Variants in ASAP1 observed in about 807,000 individuals in gnomAD.
ASAP1 encodes the protein arf-GAP with SH3 domain, ANK repeat and PH domain-containing protein 1.
Under a neutral mutation model 145.2 loss-of-function variants are expected in ASAP1, and 43 were observed. That is an observed-to-expected ratio of 0.30 (90% CI 0.23 to 0.38). The LOEUF (loss-of-function observed/expected upper bound fraction) is 0.38. ASAP1 is among the 10% of genes least tolerant of loss of function. ASAP1 has a pLI of 1.00. For missense variants in ASAP1, 1,018 were observed against 1,355.3 expected, an observed-to-expected ratio of 0.75 and a Z score of 3.91; for synonymous variants, 546 against 515.5, an observed-to-expected ratio of 1.06 and a Z score of -0.80.
chr8:130,368,752 T>C (rs1278291161), intron 2 of ASAP1, among the ~76,000 whole-genome samples: 1 of 152,234 alleles, frequency 6.6e-6, no homozygotes, highest in Non-Finnish European at 1.5e-5. Flanking sequence ...AGAATGATCA[T>C]AACCAAAAGA....
chr8:130,393,582 C>A (rs1258576379), intron 2 of ASAP1, among the ~76,000 whole-genome samples: 1 of 152,144 alleles, frequency 6.6e-6, no homozygotes, highest in Non-Finnish European at 1.5e-5. Context: ...ATGGTGAAAC[C>A]CCATCTCCAC....
intron 3 of ASAP1, among the ~76,000 whole-genome samples, chr8:130,256,785 T>TTA (rs1303685201): frequency 5.6e-5 from 5 of 89,538 alleles, no homozygotes; most frequent in Admixed American, 2.4e-4. Flanking sequence ...ATATATATCC[T>TTA]TATATATATA....
chr8:130,095,238 A>G (rs1406367123), intron 24 of ASAP1, among the ~76,000 whole-genome samples: 1 of 151,334 alleles, frequency 6.6e-6, no homozygotes, highest in Non-Finnish European at 1.5e-5. Flanking sequence ...TGTAGAGTAA[A>G]TATTTACTGA....
chr8:130,235,223 A>G (rs1818145092), intron 4 of ASAP1, among the ~76,000 whole-genome samples: 1 of 152,152 alleles, frequency 6.6e-6, no homozygotes, highest in Non-Finnish European at 1.5e-5. Flanking sequence ...TGGTTTATTT[A>G]ATAAATCCCT....
In ASAP1 at chr8:130,356,485, C is replaced by T. The variant is rs145775766; in HGVS notation, c.186+1532G>A. 7.8e-3 allele frequency among the ~76,000 whole-genome samples: 1,179 copies of T among 152,078 alleles called. 15 individuals carry two copies. The highest frequency in any genetic ancestry group is 0.027 in the African/African-American group (1,133 of 41,446). On this transcript the variant is annotated intron_variant, in intron 3 of 29. Transcript: ENST00000518721. Reference sequence around the variant, plus strand: ...ACCCATGATGGGGTTCAATGCCTGGCAATTCTGTTTAATCCCAGACGAGTA... The same window carrying T: ...ACCCATGATGGGGTTCAATGCCTGGTAATTCTGTTTAATCCCAGACGAGTA...
At chr8:130,409,417 G>C (rs530151960) in intron 1 of ASAP1, among the ~76,000 whole-genome samples, 4 of 152,286 alleles carry the variant, frequency 2.6e-5, no homozygotes, top group Admixed American at 2.6e-4. Flanking sequence ...TACCAACCCT[G>C]ATCAGCCCTG....
chr8:130,100,927 G>T (rs759454439), intron 24 of ASAP1, among the ~76,000 whole-genome samples: 4 of 152,128 alleles, frequency 2.6e-5, no homozygotes, highest in Non-Finnish European at 5.9e-5. Context: ...GTCCTGAAGT[G>T]TTTCCCTTAT....
intron 27 of ASAP1, among the ~76,000 whole-genome samples, chr8:130,072,824 T>TGTGTGCGTGCGC: frequency 3.1e-5 from 1 of 32,282 alleles, no homozygotes; most frequent in Non-Finnish European, 5.7e-5. Context: ...TGTGTGTGTG[T>TGTGTGCGTGCGC]GCGCGCGGGG....
intron 3 of ASAP1, among the ~76,000 whole-genome samples, chr8:130,342,445 C>T (rs1384473012): frequency 1.3e-5 from 2 of 152,128 alleles, no homozygotes; most frequent in African/African-American, 4.8e-5. Flanking sequence ...CAAGAGTGGA[C>T]CTTGACTTAA....
intron 25 of ASAP1, among the ~76,000 whole-genome samples, chr8:130,087,138 G>C (rs927728359): frequency 6.6e-6 from 1 of 152,164 alleles, no homozygotes; most frequent in Non-Finnish European, 1.5e-5. Context: ...GTCAGCCATG[G>C]CTACTCTGCA....
chr8:130,073,334 G>C (rs571042168), intron 27 of ASAP1, among the ~76,000 whole-genome samples: 1 of 151,300 alleles, frequency 6.6e-6, no homozygotes, highest in South Asian at 2.1e-4. Flanking sequence ...AGGTTGCGGG[G>C]AGCTGAGATC....
chr8:130,143,120 C>T (rs1418684788), intron 13 of ASAP1, among the ~76,000 whole-genome samples: 1 of 152,170 alleles, frequency 6.6e-6, no homozygotes, highest in Non-Finnish European at 1.5e-5. Context: ...ACACATTGTT[C>T]CTGAAGGCTG....
Position 130,115,114 on chromosome 8 carries a change from A to G in ASAP1, c.2172+514T>C, listed in dbSNP as rs75084003. 2.6e-3 allele frequency among the ~76,000 whole-genome samples: 396 copies of G among 152,292 alleles called. 1 individual carries two copies. The highest frequency in any genetic ancestry group is 3.3e-3 in the South Asian group (16 of 4,826). On this transcript the variant is annotated intron_variant, in intron 23 of 29. Coordinates refer to ENST00000518721, the MANE Select transcript of ASAP1 (RefSeq NM_018482.4). ...ACAGTGTCCTGGTGTTTGGTCAAAT[A>G]CTAGTCTAGATGTTGCTGTAAAGGA...
intron 2 of ASAP1, among the ~76,000 whole-genome samples, chr8:130,396,696 G>A (rs1342325107): frequency 1.3e-5 from 2 of 152,216 alleles, no homozygotes; most frequent in Admixed American, 1.3e-4. Flanking sequence ...CCGTCCATGT[G>A]CAGCATGCAT....
chr8:130,362,133 T>C (rs1455296766), intron 2 of ASAP1, among the ~76,000 whole-genome samples: 3 of 152,144 alleles, frequency 2.0e-5, no homozygotes, highest in South Asian at 2.1e-4. Context: ...CATCAGGGAA[T>C]TGGCTCTCAG....
At chr8:130,152,849 C>T in intron 12 of ASAP1, 44 bp from the exon 13 acceptor site, 1 of 1,430,188 alleles carries the variant, frequency 7.0e-7, no homozygotes, top group South Asian at 1.2e-5. Flanking sequence ...AACTGATTCA[C>T]TCTGGGACAT....
intron 3 of ASAP1, among the ~76,000 whole-genome samples, chr8:130,312,380 G>C (rs1041782514): frequency 2.6e-5 from 4 of 151,940 alleles, no homozygotes; most frequent in Admixed American, 2.0e-4. Flanking sequence ...CTTTGAAAGG[G>C]AGCTTGAACA....
At chr8:130,307,362 T>TA (rs1823057247) in intron 3 of ASAP1, among the ~76,000 whole-genome samples, 1 of 151,200 alleles carries the variant, frequency 6.6e-6, no homozygotes, top group Non-Finnish European at 1.5e-5. Flanking sequence ...TGGCAAAAAA[T>TA]AAAGAGGGAC....
intron 3 of ASAP1, among the ~76,000 whole-genome samples, chr8:130,242,425 A>G (rs547483590): frequency 1.3e-5 from 2 of 151,962 alleles, no homozygotes; most frequent in East Asian, 3.9e-4. Context: ...AAATGTTCTT[A>G]TATGTGTTAT....
Sources: gnomAD v4.1 joint callset for allele counts (sites outside exome capture counted in the v4.1 genomes callset) on GRCh38, gnomAD v4.1.1 for gene constraint, MANE v1.5 for transcripts, NCBI Gene and HGNC (gene_info 2026-07-23, HGNC 2026-07-21) for gene names.